The following STK32C variants were observed in gnomAD, a reference collection of about 807,000 sequenced individuals.
STK32C encodes serine/threonine-protein kinase 32C.
In STK32C, 31 loss-of-function variants were observed where a neutral mutation model predicts 56.5. That is an observed-to-expected ratio of 0.55 (90% CI 0.41 to 0.74). The LOEUF (loss-of-function observed/expected upper bound fraction) is 0.74. Ranked by LOEUF, STK32C falls within the 30% of genes least tolerant of loss-of-function variation. The pLI, the probability that STK32C is intolerant of heterozygous loss-of-function variation, is 0.00. For missense variants in STK32C, 544 were observed against 676.9 expected (o/e 0.80, Z 2.18); for synonymous variants, 309 against 289.4 (o/e 1.07, Z -0.69).
chr10:132,297,660 AG>A (rs559793306), intron 1 of STK32C, among the ~76,000 whole-genome samples: 156 of 152,342 alleles, frequency 1.0e-3, no homozygotes, highest in Middle Eastern at 6.8e-3. Context: ...TACAAGAAAA[AG>A]GAAAAAGAAT....
chr10:132,209,122 G>A (rs774431109), intron 10 of STK32C, 21 bp from the exon 11 acceptor site: 20 of 1,609,362 alleles, frequency 1.2e-5, no homozygotes, highest in African/African-American at 2.7e-5. Flanking sequence ...AAAGGCACAC[G>A]TGAGCGTGGG....
chr10:132,214,997 TATC>T (rs1436114779), intron 10 of STK32C, among the ~76,000 whole-genome samples: 2 of 152,232 alleles, frequency 1.3e-5, no homozygotes, highest in African/African-American at 4.8e-5. Flanking sequence ...ATAAGGTAGA[TATC>T]ATATTGAACT....
intron 10 of STK32C, among the ~76,000 whole-genome samples, chr10:132,217,847 A>C (rs1030429873): frequency 1.3e-5 from 2 of 152,094 alleles, no homozygotes; most frequent in African/African-American, 4.8e-5. Flanking sequence ...TGGAACTGTA[A>C]ATCCATTAAA....
intron 1 of STK32C, among the ~76,000 whole-genome samples, chr10:132,318,665 A>G (rs1019111129): frequency 1.3e-5 from 2 of 152,134 alleles, no homozygotes; most frequent in Non-Finnish European, 2.9e-5. Context: ...ACATTTCACC[A>G]AATAAGACAT....
rs1251754455 is a variant in STK32C, at chr10:132,307,896, GCGGCAGTGGTAGCGGGAGCGCTCGGGGC to G, written c.-91_-64del. ...GCATGGCCGGCCGGCAGGGCCGGGAGCGGCAGTGGTAGCGGGAGCGCTCGGGGCCGGCAGCGCCCGCCGTGCGCTCTTC... is the reference window on the plus strand; with the variant it reads ...GCATGGCCGGCCGGCAGGGCCGGGAGCGGCAGCGCCCGCCGTGCGCTCTTC... On this transcript the variant is annotated 5_prime_UTR_variant, in exon 1 of 12. Transcript: ENST00000298630. This position sits in a 1 kb window ranked among gnomAD's most constrained non-coding sequence, Gnocchi z 4.4. The G allele has an allele frequency of 8.8e-6, 10 of 1,130,368 alleles. No homozygotes were observed. Among genetic ancestry groups the G allele is most frequent in the South Asian group, 3.9e-5 (2 of 50,732 alleles). The allele number at this position is 1,130,368 out of a possible 1,614,324, so 70.0% of individuals were successfully genotyped here. A position where few individuals can be genotyped will look rare whatever the true frequency, so the allele number is the denominator to read the frequency against.
intron 1 of STK32C, among the ~76,000 whole-genome samples, chr10:132,282,914 T>C (rs1475175353): frequency 2.0e-5 from 3 of 152,180 alleles, no homozygotes; most frequent in Admixed American, 6.5e-5. Flanking sequence ...GTGGGGGGTG[T>C]TGTCATTTCC....
chr10:132,290,575 G>A lies in STK32C; in HGVS notation c.262+16997C>T, dbSNP rs537701721. Among the ~76,000 whole-genome samples the A allele has an allele frequency of 2.0e-4, 30 of 152,344 alleles. No homozygotes were observed. In the South Asian group the frequency reaches 4.3e-3, roughly 22 times the overall value. On this transcript the variant is annotated intron_variant, in intron 1 of 11. Coordinates refer to ENST00000298630, the MANE Select transcript of STK32C (RefSeq NM_173575.4). Reference sequence around the variant, plus strand: ...GGCCAGATCATCTGACTGTTCTGACGTTTATGAGGATGGATTCCAAGAGAC... The same window carrying A: ...GGCCAGATCATCTGACTGTTCTGACATTTATGAGGATGGATTCCAAGAGAC...
At chr10:132,272,328 G>A (rs374384786) in intron 1 of STK32C, among the ~76,000 whole-genome samples, 4 of 152,254 alleles carry the variant, frequency 2.6e-5, no homozygotes, top group Admixed American at 6.5e-5. Flanking sequence ...CTGCCGGCGC[G>A]TGGTCTCGGA....
chr10:132,312,261 A>T (rs1261817527), upstream of STK32C, among the ~76,000 whole-genome samples: 2 of 152,024 alleles, frequency 1.3e-5, no homozygotes, highest in Non-Finnish European at 2.9e-5. Flanking sequence ...CACCCCACTC[A>T]GCCTCCTAAA....
At chr10:132,250,555 A>G (rs866778264) in intron 1 of STK32C, among the ~76,000 whole-genome samples, 32 of 132,124 alleles carry the variant, frequency 2.4e-4, no homozygotes, top group Middle Eastern at 8.8e-3. Flanking sequence ...TGCAGAGAGG[A>G]GAGGGCAGGT....
intron 2 of STK32C, among the ~76,000 whole-genome samples, chr10:132,241,404 G>C (rs926429926): frequency 1.3e-5 from 2 of 152,208 alleles, no homozygotes; most frequent in African/African-American, 4.8e-5. Flanking sequence ...AAAGTTCCAC[G>C]TAACAACATG....
upstream of STK32C, chr10:132,331,973 C>G (rs2066786271): frequency 2.0e-6 from 1 of 492,818 alleles, no homozygotes; most frequent in Admixed American, 4.4e-5. Flanking sequence ...CACCCCGCCC[C>G]CTCCCGGGCA....
intron 2 of STK32C, among the ~76,000 whole-genome samples, chr10:132,238,194 G>A (rs1271304950): frequency 6.6e-6 from 1 of 152,132 alleles, no homozygotes; most frequent in East Asian, 1.9e-4. Context: ...TGAGGACTGT[G>A]GTGCAGCAGC....
chr10:132,215,103 T>G (rs1256832098), intron 10 of STK32C, among the ~76,000 whole-genome samples: 1 of 152,126 alleles, frequency 6.6e-6, no homozygotes, highest in African/African-American at 2.4e-5. Context: ...ACTGCAGCCT[T>G]GAACTCCTGG....
intron 10 of STK32C, 31 bp from the exon 11 acceptor site, chr10:132,209,132 G>C: frequency 6.2e-7 from 1 of 1,602,754 alleles, no homozygotes; most frequent in Non-Finnish European, 8.5e-7. Flanking sequence ...GTGAGCGTGG[G>C]GGACGCTGTC....
At chr10:132,263,873 A>AAAAG (rs2064396901) in intron 1 of STK32C, among the ~76,000 whole-genome samples, 3 of 151,848 alleles carry the variant, frequency 2.0e-5, no homozygotes, top group Admixed American at 2.0e-4. Flanking sequence ...CTCAAAAAAA[A>AAAAG]AAAAAAAAAA....
intron 1 of STK32C, among the ~76,000 whole-genome samples, chr10:132,281,867 G>T (rs535352389): frequency 6.6e-6 from 1 of 152,030 alleles, no homozygotes; most frequent in Non-Finnish European, 1.5e-5. Flanking sequence ...CTTCTCTGAC[G>T]ATGGCTATTT....
At chr10:132,210,212 C>T (rs1253804528) in intron 10 of STK32C, among the ~76,000 whole-genome samples, 1 of 151,958 alleles carries the variant, frequency 6.6e-6, no homozygotes, top group Non-Finnish European at 1.5e-5. Context: ...GGGGACTCTT[C>T]CCTGTCACAG....
At chr10:132,328,091 T>C (rs573082050) in intron 1 of STK32C, among the ~76,000 whole-genome samples, 8 of 152,238 alleles carry the variant, frequency 5.3e-5, no homozygotes, top group African/African-American at 1.9e-4. Flanking sequence ...GACAGGGGAA[T>C]TGCAATGGAG....
Sources: allele counts gnomAD v4.1 joint callset (sites outside exome capture counted in the v4.1 genomes callset), GRCh38; gene constraint gnomAD v4.1.1; non-coding constraint Gnocchi (gnomAD v3.1); transcripts MANE v1.5; gene names NCBI Gene and HGNC (gene_info 2026-07-23, HGNC 2026-07-21).